The following STXBP6 variants were observed in gnomAD, a reference collection of about 807,000 sequenced individuals.
The protein encoded by STXBP6 is syntaxin binding protein 6.
A neutral mutation model predicts 26.9 loss-of-function variants in STXBP6; 21 were observed. The observed-to-expected ratio is 0.78, with a 90% CI of 0.55 to 1.12. The LOEUF (loss-of-function observed/expected upper bound fraction) is 1.12. STXBP6 is among the 50% of genes most tolerant of loss of function. The pLI is 0.00. For synonymous variants in STXBP6, 97 were observed against 92.6 expected (o/e 1.05, Z -0.27); for missense variants, 232 against 257.9 (o/e 0.90, Z 0.69).
chr14:24,837,567 G>A (rs142289564), intron 4 of STXBP6, among the ~76,000 whole-genome samples: 60 of 152,272 alleles, frequency 3.9e-4, no homozygotes, highest in African/African-American at 1.3e-3. Flanking sequence ...TTAGCAGGTT[G>A]GAACTCTCAG....
At chr14:24,992,786 GAT>G (rs2074507562) in intron 1 of STXBP6, among the ~76,000 whole-genome samples, 1 of 152,198 alleles carries the variant, frequency 6.6e-6, no homozygotes, top group Non-Finnish European at 1.5e-5. Context: ...AGCCCTATAT[GAT>G]ACTAGAGGAG....
At chr14:24,906,252 T>C (rs1304897247) in intron 2 of STXBP6, among the ~76,000 whole-genome samples, 2 of 152,220 alleles carry the variant, frequency 1.3e-5, no homozygotes, top group Non-Finnish European at 2.9e-5. Flanking sequence ...CATATAAATT[T>C]ACCCTATAGG....
chr14:24,873,103 C>G (rs2069999098), intron 2 of STXBP6, among the ~76,000 whole-genome samples: 1 of 152,050 alleles, frequency 6.6e-6, no homozygotes, highest in South Asian at 2.1e-4. Flanking sequence ...ACAGGTAACG[C>G]AAAGGGAAGC....
chr14:24,992,805 C>T (rs1416605217), intron 1 of STXBP6, among the ~76,000 whole-genome samples: 2 of 152,136 alleles, frequency 1.3e-5, no homozygotes, highest in African/African-American at 2.4e-5. Context: ...GGAGAATCAA[C>T]CATAAGTAAC....
chr14:24,876,332 T>G (rs914132448), intron 2 of STXBP6, among the ~76,000 whole-genome samples: 1 of 152,182 alleles, frequency 6.6e-6, no homozygotes, highest in Admixed American at 6.5e-5. Context: ...AAACTTAATG[T>G]TTAGGAAGTA....
At chr14:24,867,324 C>A (rs1022121561) in intron 2 of STXBP6, among the ~76,000 whole-genome samples, 5 of 152,126 alleles carry the variant, frequency 3.3e-5, no homozygotes, top group African/African-American at 4.8e-5. Context: ...TCTTGATCAG[C>A]ACCTCCAGGA....
intron 2 of STXBP6, among the ~76,000 whole-genome samples, chr14:24,888,035 G>A (rs2070653677): frequency 6.6e-6 from 1 of 152,194 alleles, no homozygotes; most frequent in South Asian, 2.1e-4. Context: ...TTAATCACGT[G>A]ATGATAAGGA....
chr14:24,868,189 A>C (rs2069792036), intron 2 of STXBP6, among the ~76,000 whole-genome samples: 2 of 152,144 alleles, frequency 1.3e-5, no homozygotes, highest in Admixed American at 1.3e-4. Context: ...ACAGAGTGAG[A>C]CTCTGTTTGA....
chr14:25,026,663 A>C (rs1461015941), intron 1 of STXBP6, among the ~76,000 whole-genome samples: 1 of 152,208 alleles, frequency 6.6e-6, no homozygotes, highest in African/African-American at 2.4e-5. Context: ...CCTTATTTGC[A>C]TACATAACTT....
At position 24,891,360 on chromosome 14, in the gene STXBP6, C is replaced by T. The variant is rs574278390; in HGVS notation, c.155-34203G>A. 1.1e-3 allele frequency among the ~76,000 whole-genome samples: 169 copies of T among 152,264 alleles called. 1 individual carries two copies. The highest frequency in any genetic ancestry group is 4.0e-3 in the African/African-American group (165 of 41,554). ...CCCTCTGAAGGATAAATAGGGGTTA[C>T]CTATGCCTTGAATACTCAGTTCATA... On this transcript the variant is annotated intron_variant, in intron 2 of 5. Transcript: ENST00000323944.
intron 2 of STXBP6, among the ~76,000 whole-genome samples, chr14:24,904,644 G>A (rs1472185125): frequency 6.6e-6 from 1 of 152,116 alleles, no homozygotes; most frequent in African/African-American, 2.4e-5. Context: ...CCTTGTAAGA[G>A]GAGGGAAAGA....
chr14:24,861,587 G>A (rs763470048), intron 2 of STXBP6, among the ~76,000 whole-genome samples: 4 of 152,178 alleles, frequency 2.6e-5, no homozygotes, highest in African/African-American at 4.8e-5. Context: ...TCAGGTCTGA[G>A]GCTGCTGCGC....
chr14:24,830,502 A>G (rs374639355), intron 4 of STXBP6, among the ~76,000 whole-genome samples: 15 of 152,190 alleles, frequency 9.9e-5, no homozygotes, highest in African/African-American at 1.4e-4. Flanking sequence ...GGTTTGAGCA[A>G]TTGGGTAGGT....
In STXBP6 at chr14:24,829,786, C is replaced by T. The variant is rs1446079913; in HGVS notation, c.452-10592G>A. On this transcript the variant is annotated intron_variant, in intron 4 of 5. Coordinates refer to ENST00000323944, the MANE Select transcript of STXBP6 (RefSeq NM_001394410.1). ...ACATACTCTCCACACACATTGTCCC[C>T]ACCCCATGACCGGCAAGGGGCCTAC... 2.6e-5 allele frequency among the ~76,000 whole-genome samples: 4 copies of T among 152,050 alleles called. No individual in the cohort carries two copies. In the East Asian group the frequency reaches 7.7e-4, roughly 29 times the overall value.
chr14:24,963,100 G>GC (rs1006934352), intron 2 of STXBP6, among the ~76,000 whole-genome samples: 1 of 152,020 alleles, frequency 6.6e-6, no homozygotes, highest in African/African-American at 2.4e-5. Context: ...TTTTCCCATT[G>GC]TTTTTTTCCC....
At chr14:24,910,395 C>G (rs1457253306) in intron 2 of STXBP6, among the ~76,000 whole-genome samples, 1 of 152,160 alleles carries the variant, frequency 6.6e-6, no homozygotes, top group African/African-American at 2.4e-5. Context: ...TGTTCATTGC[C>G]TGGTATCCCT....
At chr14:24,914,695 A>G (rs574766784) in intron 2 of STXBP6, among the ~76,000 whole-genome samples, 9 of 152,262 alleles carry the variant, frequency 5.9e-5, no homozygotes, top group African/African-American at 1.9e-4. Context: ...TGTCATGAAG[A>G]CTTCCTTTTT....
At chr14:24,961,285 G>A (rs2073528068) in intron 2 of STXBP6, among the ~76,000 whole-genome samples, 1 of 151,956 alleles carries the variant, frequency 6.6e-6, no homozygotes, top group African/African-American at 2.4e-5. Flanking sequence ...GTGGGAGAAG[G>A]GAGAGGAACA....
intron 2 of STXBP6, among the ~76,000 whole-genome samples, chr14:24,905,760 T>C (rs1422954958): frequency 1.3e-5 from 2 of 152,224 alleles, no homozygotes; most frequent in African/African-American, 2.4e-5. Flanking sequence ...TGTCAGTTCC[T>C]ACCTAAACAA....
Sources: allele counts gnomAD v4.1 joint callset (sites outside exome capture counted in the v4.1 genomes callset), GRCh38; gene constraint gnomAD v4.1.1; transcripts MANE v1.5; gene names NCBI Gene and HGNC (gene_info 2026-07-23, HGNC 2026-07-21).